CAMKMT: variants seen among roughly 807,000 people sequenced by gnomAD.
The protein encoded by CAMKMT is CaM KMT.
A neutral mutation model predicts 48.0 loss-of-function variants in CAMKMT; 53 were observed. The ratio of observed to expected loss-of-function variants is 1.10; its 90% CI spans 0.89 to 1.39. The LOEUF (loss-of-function observed/expected upper bound fraction) is 1.39. CAMKMT is among the 40% of genes most tolerant of loss of function. CAMKMT has a pLI of 0.00. For synonymous variants in CAMKMT, 165 were observed against 152.3 expected, an observed-to-expected ratio of 1.08 and a Z score of -0.61; for missense variants, 428 against 402.7, an observed-to-expected ratio of 1.06 and a Z score of -0.54.
chr2:44,594,008 C>T (rs1192684320), intron 3 of CAMKMT, among the ~76,000 whole-genome samples: 1 of 152,076 alleles, frequency 6.6e-6, no homozygotes, highest in African/African-American at 2.4e-5. Flanking sequence ...GGTGATCTGC[C>T]CACCTCAGCC....
In CAMKMT at chr2:44,626,344, A is replaced by G. The variant is rs367546943; in HGVS notation, c.377-77939A>G. Among the ~76,000 whole-genome samples, 18 of 152,266 alleles carry G rather than the reference A, an allele frequency of 1.2e-4. No individual in the cohort carries two copies. The East Asian group carries it at 3.3e-3, about 28-fold the overall frequency. On this transcript the variant is annotated intron_variant, in intron 3 of 10. Transcript: ENST00000378494. ...CATTTTCCAATTGTTTAGTGCTAGC[A>G]TATAGAAATACAATTGATTTTTATA...
chr2:44,604,042 A>C (rs992566685), intron 3 of CAMKMT, among the ~76,000 whole-genome samples: 1 of 152,212 alleles, frequency 6.6e-6, no homozygotes. Flanking sequence ...ATTACTTGAC[A>C]TCTAATAAGT....
At chr2:44,729,689 G>C (rs1199911946) in intron 7 of CAMKMT, among the ~76,000 whole-genome samples, 1 of 152,160 alleles carries the variant, frequency 6.6e-6, no homozygotes, top group Admixed American at 6.5e-5. Flanking sequence ...TGAGGTGGAA[G>C]AGTTGAGCAT....
chr2:44,694,585 G>C, intron 3 of CAMKMT, among the ~76,000 whole-genome samples: 1 of 152,050 alleles, frequency 6.6e-6, no homozygotes, highest in East Asian at 1.9e-4. Flanking sequence ...AAAATAATTC[G>C]AAACTAGCTA....
chr2:44,625,132 G>T (rs1396068791), intron 3 of CAMKMT, among the ~76,000 whole-genome samples: 5 of 152,210 alleles, frequency 3.3e-5, no homozygotes, highest in African/African-American at 1.2e-4. Context: ...GAGAGTTTCA[G>T]TTGCTTCACA....
intron 3 of CAMKMT, among the ~76,000 whole-genome samples, chr2:44,554,090 C>T (rs1316977582): frequency 2.0e-5 from 3 of 152,148 alleles, no homozygotes; most frequent in Non-Finnish European, 1.5e-5. Context: ...CCATTATGAC[C>T]TTTTGCTAAC....
rs1684028835 is a variant in CAMKMT at position 44,422,935 on chromosome 2, T to C, written c.376+32630T>C. 2.0e-5 allele frequency among the ~76,000 whole-genome samples: 3 copies of C among 152,280 alleles called. No individual in the cohort carries two copies. The South Asian group carries it at 6.2e-4, about 32-fold the overall frequency. On this transcript the variant is annotated intron_variant, in intron 3 of 10. Transcript: ENST00000378494. ...TATCACTGTAAGGTGAGCTCCTTGT[T>C]CAGAATCAACGTGGTATGGTATACC...
intron 9 of CAMKMT, among the ~76,000 whole-genome samples, chr2:44,764,153 G>T (rs1415505159): frequency 6.6e-6 from 1 of 151,744 alleles, no homozygotes; most frequent in Non-Finnish European, 1.5e-5. Flanking sequence ...AATTAATATT[G>T]AAAAAGCTGA....
At chr2:44,519,669 G>A (rs1230014528) in intron 3 of CAMKMT, among the ~76,000 whole-genome samples, 1 of 152,170 alleles carries the variant, frequency 6.6e-6, no homozygotes, top group African/African-American at 2.4e-5. Flanking sequence ...ACAAAAAAGT[G>A]TGACTTAGGA....
chr2:44,538,755 C>T (rs1666920826), intron 3 of CAMKMT, among the ~76,000 whole-genome samples: 1 of 148,136 alleles, frequency 6.8e-6, no homozygotes, highest in African/African-American at 2.5e-5. Flanking sequence ...ACCACTTGTA[C>T]CCCCAAAGCT....
At chr2:44,434,692 C>G (rs1377494529) in intron 3 of CAMKMT, among the ~76,000 whole-genome samples, 2 of 152,146 alleles carry the variant, frequency 1.3e-5, no homozygotes, top group African/African-American at 4.8e-5. Flanking sequence ...GTGTCTGTGA[C>G]AATCCAGAAG....
At chr2:44,396,828 A>C (rs1209132177) in intron 3 of CAMKMT, among the ~76,000 whole-genome samples, 1 of 151,964 alleles carries the variant, frequency 6.6e-6, no homozygotes, top group Non-Finnish European at 1.5e-5. Flanking sequence ...TGGGAAGCCA[A>C]GGTGGGCGGA....
intron 3 of CAMKMT, among the ~76,000 whole-genome samples, chr2:44,552,455 G>C (rs950254688): frequency 6.6e-6 from 1 of 152,018 alleles, no homozygotes; most frequent in Non-Finnish European, 1.5e-5. Context: ...ATTTTACTTG[G>C]TGATCTTTAC....
chr2:44,415,518 A>T (rs1478081369), intron 3 of CAMKMT, among the ~76,000 whole-genome samples: 1 of 152,174 alleles, frequency 6.6e-6, no homozygotes, highest in Non-Finnish European at 1.5e-5. Context: ...CACATGAATA[A>T]ATTAGTGGCA....
chr2:44,706,389 GA>G, intron 5 of CAMKMT, 48 bp downstream of exon 5: 1 of 1,591,088 alleles, frequency 6.3e-7, no homozygotes, highest in Non-Finnish European at 8.6e-7. Flanking sequence ...GGAACAAAAG[GA>G]AAAATGTTCC....
At chr2:44,543,688 T>C (rs1194440074) in intron 3 of CAMKMT, among the ~76,000 whole-genome samples, 1 of 152,202 alleles carries the variant, frequency 6.6e-6, no homozygotes, top group Non-Finnish European at 1.5e-5. Context: ...GCAAGGATTT[T>C]CAGGAAAGCT....
rs561508342 is a variant in CAMKMT at position 44,704,173 on chromosome 2, A to G, written c.377-110A>G. 6.7e-5 allele frequency: 42 copies of G among 629,868 alleles called. No homozygotes were observed. The South Asian group carries it at 1.0e-3, about 16-fold the overall frequency. 39.0% of individuals were successfully genotyped at this position (629,868 alleles called of 1,614,324 possible). ...ACATGACATATTATAAGTAATAACA[A>G]TGTTGTTTGATTGAAGTTGAAATAG... On this transcript the variant is annotated intron_variant, in intron 3 of 10. Transcript: ENST00000378494.
intron 3 of CAMKMT, among the ~76,000 whole-genome samples, chr2:44,673,706 C>T (rs769807171): frequency 6.6e-6 from 1 of 151,462 alleles, no homozygotes. Context: ...GCAAAATAAG[C>T]GTTAAGGAAA....
At chr2:44,689,233 G>T (rs192906809) in intron 3 of CAMKMT, among the ~76,000 whole-genome samples, 6 of 151,728 alleles carry the variant, frequency 4.0e-5, no homozygotes, top group Non-Finnish European at 8.8e-5. Flanking sequence ...CTGCTCTTAC[G>T]TGCCTTTTCA....
Sources: gnomAD v4.1 joint callset for allele counts (sites outside exome capture counted in the v4.1 genomes callset) on GRCh38, gnomAD v4.1.1 for gene constraint, MANE v1.5 for transcripts, NCBI Gene and HGNC (gene_info 2026-07-23, HGNC 2026-07-21) for gene names.